Variants in APOBEC3B observed in about 807,000 individuals in gnomAD.
The protein encoded by APOBEC3B is DNA dC->dU-editing enzyme APOBEC-3B.
A neutral mutation model predicts 53.4 loss-of-function variants in APOBEC3B; 29 were observed. The ratio of observed to expected loss-of-function variants is 0.54; its 90% CI spans 0.40 to 0.74. APOBEC3B has a LOEUF of 0.74. Among genes scored for constraint, APOBEC3B ranks in the 30% least tolerant of loss-of-function variants. The pLI is 0.00. For missense variants in APOBEC3B, 347 were observed against 496.2 expected, an observed-to-expected ratio of 0.70 and a Z score of 2.86; for synonymous variants, 132 against 184.8, an observed-to-expected ratio of 0.71 and a Z score of 2.32.
In APOBEC3B at chr22:38,985,842, A is replaced by G; in HGVS notation, c.205A>G (p.Met69Val). The G allele has an allele frequency of 6.3e-7, 1 of 1,592,868 alleles. No homozygotes were observed. The highest frequency in any genetic ancestry group is 1.7e-4 in the Middle Eastern group (1 of 6,002). ...VYFKPQYHAE[M>V]CFLSWFCGNQ... The stretch of plus-strand genomic sequence containing the variant: ...TTTCAAGCCTCAGTACCACGCAGAA[A>G]TGTGCTTCCTCTCTTGGTTCTGTGG... Residue 69 changes from methionine (M) to valine (V), a missense_variant, in exon 3 of 8, where the codon ATG becomes GTG. Physicochemically the swap from Met to Val is conservative, Grantham distance 21 (BLOSUM62 1). Around this residue, in one of 5 missense-constraint regions of APOBEC3B, gnomAD observed 73 missense variants for 90.9 expected, o/e 0.80. Transcript: ENST00000333467.
At chr22:38,992,282 C>T (rs1924040816) in intron 7 of APOBEC3B, 133 bp downstream of exon 7, 1 of 1,535,046 alleles carries the variant, frequency 6.5e-7, no homozygotes, top group Non-Finnish European at 8.8e-7. Flanking sequence ...AGCTCCGTCC[C>T]TCCCTTTCCT....
At chr22:38,986,147 A>T (rs1923729775) in intron 3 of APOBEC3B, 56 bp downstream of exon 3, 1 of 1,574,826 alleles carries the variant, frequency 6.3e-7, no homozygotes, top group Admixed American at 1.8e-5. Flanking sequence ...TGAAAGATGG[A>T]TGGATCTGCA....
intron 2 of APOBEC3B, among the ~76,000 whole-genome samples, chr22:38,984,503 G>T (rs1443903885): frequency 6.7e-6 from 1 of 148,872 alleles, no homozygotes; most frequent in Non-Finnish European, 1.5e-5. Context: ...TATAGCTGGT[G>T]GCCTTGCAGC....
chr22:38,989,430 T>C, intron 4 of APOBEC3B, 27 bp from the exon 5 acceptor site: 1 of 1,543,534 alleles, frequency 6.5e-7, no homozygotes, highest in Non-Finnish European at 8.8e-7. Context: ...TCTTAGGGCT[T>C]TTGGTTTCCC....
intron 4 of APOBEC3B, among the ~76,000 whole-genome samples, chr22:38,987,756 T>A (rs1315997887): frequency 6.7e-6 from 1 of 148,292 alleles, no homozygotes; most frequent in Non-Finnish European, 1.5e-5. Flanking sequence ...CCTTTTAGAA[T>A]GACACCTGCA....
chr22:38,982,943 A>C (rs1254731374), intron 1 of APOBEC3B, among the ~76,000 whole-genome samples: 2 of 148,640 alleles, frequency 1.3e-5, no homozygotes, highest in Admixed American at 1.4e-4. Context: ...GCACATGATA[A>C]ATCGTGTCAT....
At chr22:38,988,116 A>G (rs1185759982) in intron 4 of APOBEC3B, among the ~76,000 whole-genome samples, 2 of 146,984 alleles carry the variant, frequency 1.4e-5, no homozygotes, top group African/African-American at 5.0e-5. Context: ...GGAGACAAGA[A>G]CTCCTCTTCG....
rs747131423 is a variant in APOBEC3B, at chr22:38,989,637, G to A, written c.723+27G>A. ...TGACCGACCCAGCCACCTGCATCCAGGCAGGGCCCTCCCAATCCAGGGACA... is the reference window on the plus strand; with the variant it reads ...TGACCGACCCAGCCACCTGCATCCAAGCAGGGCCCTCCCAATCCAGGGACA... On this transcript the variant is annotated intron_variant, in intron 5 of 7. Coordinates refer to ENST00000333467, the MANE Select transcript of APOBEC3B (RefSeq NM_004900.5). 4.5e-6 allele frequency: 7 copies of A among 1,543,882 alleles called. 1 individual carries two copies. In the African/African-American group the frequency reaches 9.6e-5, roughly 21 times the overall value.
rs754722164 is a variant in APOBEC3B at position 38,986,039 on chromosome 22, G to A, written c.402G>A (p.Ala134=). ...ACTGGGAAAGAGATTACCGAAGGGC[G>A]CTCTGCAGGCTGAGTCAGGCAGGAG... ...YYYWERDYRR[A]LCRLSQAGAR... is the part of the protein sequence containing the mutation. Residue 134 remains alanine, a synonymous_variant, in exon 3 of 8, where the codon GCG becomes GCA. Coordinates refer to ENST00000333467, the MANE Select transcript of APOBEC3B (RefSeq NM_004900.5). 1.3e-5 allele frequency: 21 copies of A among 1,592,870 alleles called. 2 individuals carry two copies. The East Asian group carries it at 2.2e-4, about 17-fold the overall frequency.
At chr22:38,983,216 G>C (rs1418228248) in intron 1 of APOBEC3B, among the ~76,000 whole-genome samples, 4 of 148,040 alleles carry the variant, frequency 2.7e-5, no homozygotes, top group Non-Finnish European at 6.0e-5. Context: ...TACTCAGGAG[G>C]TTTAGGCAGG....
At chr22:38,990,535 AT>A (rs1290623067) in intron 5 of APOBEC3B, among the ~76,000 whole-genome samples, 1 of 147,798 alleles carries the variant, frequency 6.8e-6, no homozygotes, top group Admixed American at 6.9e-5. Context: ...TAAATACCAT[AT>A]TTCTATAAGT....
At chr22:38,986,881 AG>A (rs1603267985) in intron 4 of APOBEC3B, among the ~76,000 whole-genome samples, 1 of 148,444 alleles carries the variant, frequency 6.7e-6, no homozygotes, top group Non-Finnish European at 1.5e-5. Context: ...GCATGGGGGA[AG>A]GCAGACACCT....
chr22:38,988,470 G>A (rs1354201329), intron 4 of APOBEC3B, among the ~76,000 whole-genome samples: 1 of 148,510 alleles, frequency 6.7e-6, no homozygotes. Context: ...GTGTCATCTC[G>A]TTCTCCCTAA....
At position 38,986,126 on chromosome 22, in the gene APOBEC3B, G is replaced by A. The variant is rs199702236; in HGVS notation, c.454+35G>A. 58 of 1,583,908 alleles carry A rather than the reference G, an allele frequency of 3.7e-5. 2 individuals carry two copies. The highest frequency in any genetic ancestry group is 9.2e-5 in the South Asian group (8 of 87,232). On this transcript the variant is annotated intron_variant, in intron 3 of 7. Transcript: ENST00000333467. ...GGAGGGGTCAGGGGAGCGTGAGCGGGAGGAACAGCATGAAAGATGGATGGA... is the reference window on the plus strand; with the variant it reads ...GGAGGGGTCAGGGGAGCGTGAGCGGAAGGAACAGCATGAAAGATGGATGGA...
rs767122998 is a variant in APOBEC3B at position 38,992,424 on chromosome 22, C to T, written c.1135-7C>T. On this transcript the variant is annotated splice_polypyrimidine_tract_variant and splice_region_variant and intron_variant, in intron 7 of 7. Transcript: ENST00000333467. The stretch of plus-strand genomic sequence containing the variant: ...TCCTGCTCCATTCAACCCCCCTGCT[C>T]TTCCAGAATCAGGGAAACTGAAGGA... The T allele has an allele frequency of 6.2e-7, 1 of 1,603,104 alleles. No individual in the cohort carries two copies.
intron 4 of APOBEC3B, among the ~76,000 whole-genome samples, chr22:38,988,748 C>CTTTCTTTCTTTCTTTCTTTCTTT (rs1317657637): frequency 2.4e-4 from 16 of 65,946 alleles, no homozygotes; most frequent in East Asian, 7.5e-4. Flanking sequence ...TTTCTTTCTT[C>CTTTCTTTCTTTCTTTCTTTCTTT]CTTTCTTCTC....
At position 38,982,420 on chromosome 22, in the gene APOBEC3B, C is replaced by T. The variant is rs757233336; in HGVS notation, c.-34C>T. The T allele has an allele frequency of 2.1e-5, 33 of 1,592,740 alleles. 5 individuals are homozygous for T. Among genetic ancestry groups the T allele is most frequent in the South Asian group, 5.6e-5 (5 of 88,772 alleles). ...AAACCACAGAGCTTCAAAAAAAGAGCGGGACAGGGACAAGCGTATCTAAGA... is the reference window on the plus strand; with the variant it reads ...AAACCACAGAGCTTCAAAAAAAGAGTGGGACAGGGACAAGCGTATCTAAGA... On this transcript the variant is annotated 5_prime_UTR_variant, in exon 1 of 8. Transcript: ENST00000333467.
rs375638163 is a variant in APOBEC3B, at chr22:38,992,161, C to T, written c.1134+12C>T. 4.0e-5 allele frequency: 64 copies of T among 1,590,790 alleles called. 2 individuals carry two copies. The African/African-American group carries it at 5.3e-4, about 13-fold the overall frequency. On this transcript the variant is annotated intron_variant, in intron 7 of 7. Transcript: ENST00000333467. ...GGGCCATTCTCCAGGTGAGGGCTTC[C>T]TCCCTCTGCCTGGTGCCCCATCGGC...
rs753458291 is a variant in APOBEC3B, at chr22:38,992,454, C to T, written c.*9C>T. ...AGAATCAGGGAAACTGAAGGATGGG[C>T]CTCAGTCTCTAAGGAAGGCAGAGAC... On this transcript the variant is annotated 3_prime_UTR_variant, in exon 8 of 8. Coordinates refer to ENST00000333467, the MANE Select transcript of APOBEC3B (RefSeq NM_004900.5). 6 of 1,590,632 alleles carry T rather than the reference C, an allele frequency of 3.8e-6. No individual in the cohort carries two copies. Among genetic ancestry groups the T allele is most frequent in the South Asian group, 3.4e-5 (3 of 88,826 alleles).
Sources: allele counts gnomAD v4.1 joint callset (sites outside exome capture counted in the v4.1 genomes callset), GRCh38; gene constraint gnomAD v4.1.1; regional missense constraint gnomAD v4.1.1; transcripts MANE v1.5; gene names NCBI Gene and HGNC (gene_info 2026-07-23, HGNC 2026-07-21).